The following CDYL2 variants were observed in gnomAD, a reference collection of about 807,000 sequenced individuals.
The protein encoded by CDYL2 is chromodomain Y like 2, also known as chromodomain Y-like protein 2.
In CDYL2, 23 loss-of-function variants were observed where a neutral mutation model predicts 49.4. The ratio of observed to expected loss-of-function variants is 0.47; its 90% CI spans 0.34 to 0.66. The LOEUF (loss-of-function observed/expected upper bound fraction) is 0.66, where lower values mean the gene tolerates loss of function less well. Ranked by LOEUF, CDYL2 falls within the 30% of genes least tolerant of loss-of-function variation. The pLI is 0.01. For missense variants in CDYL2, 678 were observed against 656.4 expected (o/e 1.03, Z -0.36); for synonymous variants, 360 against 268.8 (o/e 1.34, Z -3.32).
In CDYL2 at chr16:80,684,937, T is replaced by A. The variant is rs761986882; in HGVS notation, c.217A>T (p.Ser73Cys). The change falls in exon 2 of 7, where the codon AGT (serine) becomes TGT (cysteine). Residue 73 changes from serine to cysteine, a missense_variant. Ser to Cys is a moderately radical substitution (Grantham distance 112). Coordinates refer to ENST00000570137, the MANE Select transcript of CDYL2 (RefSeq NM_152342.4). ...CTGTCACGCAGCAGCTTGGAGGTAC[T>A]GGACTGCTTCCCTGACTTGATCCTC... is the stretch of plus-strand genomic sequence containing the variant. ...DKRIKSGKQSSTSKLLRDSRG... is the reference protein window; with the variant it reads ...DKRIKSGKQSCTSKLLRDSRG... 47 of 1,614,112 alleles carry A rather than the reference T, an allele frequency of 2.9e-5. No homozygotes were observed. Among genetic ancestry groups the A allele is most frequent in the Middle Eastern group, 1.6e-4 (1 of 6,084 alleles).
rs139185556 is a variant in CDYL2 at position 80,771,863 on chromosome 16, G to C, written c.24+32287C>G. Among the ~76,000 whole-genome samples, 66 of 152,244 alleles carry C rather than the reference G, an allele frequency of 4.3e-4. No homozygotes were observed. The Middle Eastern group carries it at 0.01, about 24-fold the overall frequency. On this transcript the variant is annotated intron_variant, in intron 1 of 6. Transcript: ENST00000570137. ...TAGAAACCAGATTTAAAAATTAGTG[G>C]ATTATGTAAACTGAAATAAGAAGGA...
chr16:80,613,837 GAATAA>G (rs1471967022), intron 4 of CDYL2, among the ~76,000 whole-genome samples: 1 of 152,182 alleles, frequency 6.6e-6, no homozygotes, highest in Non-Finnish European at 1.5e-5. Context: ...GAACTCACAA[GAATAA>G]AATCCAAATG....
chr16:80,739,930 G>T (rs552240220), intron 1 of CDYL2, among the ~76,000 whole-genome samples: 9 of 152,332 alleles, frequency 5.9e-5, no homozygotes, highest in Admixed American at 2.0e-4. Flanking sequence ...GCACAAAGCT[G>T]AGTCACGTAC....
At chr16:80,689,632 G>C (rs1037048154) in intron 1 of CDYL2, among the ~76,000 whole-genome samples, 1 of 152,190 alleles carries the variant, frequency 6.6e-6, no homozygotes, top group African/African-American at 2.4e-5. Context: ...CATTGGAACA[G>C]CAACAAGAGG....
chr16:80,723,032 G>T (rs1391883166), intron 1 of CDYL2, among the ~76,000 whole-genome samples: 1 of 152,182 alleles, frequency 6.6e-6, no homozygotes, highest in Non-Finnish European at 1.5e-5. Context: ...TCTGCTGCAG[G>T]GTGAAGCCTC....
At chr16:80,711,282 T>C (rs892213833) in intron 1 of CDYL2, among the ~76,000 whole-genome samples, 2 of 152,132 alleles carry the variant, frequency 1.3e-5, no homozygotes, top group Non-Finnish European at 1.5e-5. Context: ...AACCGCCCAA[T>C]AGATTCTGTG....
intron 2 of CDYL2, among the ~76,000 whole-genome samples, chr16:80,656,763 C>T (rs1908831868): frequency 6.6e-6 from 1 of 152,110 alleles, no homozygotes; most frequent in African/African-American, 2.4e-5. Flanking sequence ...AGATAATCAT[C>T]TCTGCGTATG....
At chr16:80,643,463 G>A (rs780836022) in intron 2 of CDYL2, among the ~76,000 whole-genome samples, 11 of 152,330 alleles carry the variant, frequency 7.2e-5, no homozygotes, top group Middle Eastern at 3.4e-3. Context: ...TCCACTAGGC[G>A]GTGCCTCCAC....
intron 1 of CDYL2, among the ~76,000 whole-genome samples, chr16:80,693,216 G>A (rs914596633): frequency 7.2e-5 from 11 of 152,142 alleles, no homozygotes; most frequent in South Asian, 4.1e-4. Flanking sequence ...TTGGATTTGC[G>A]TGGTGAGGTA....
At chr16:80,697,415 C>T (rs568508347) in intron 1 of CDYL2, among the ~76,000 whole-genome samples, 4 of 152,240 alleles carry the variant, frequency 2.6e-5, no homozygotes, top group South Asian at 2.1e-4. Flanking sequence ...AGACAAGGAA[C>T]GTTCCTCAAC....
At chr16:80,748,705 A>C (rs969227498) in intron 1 of CDYL2, among the ~76,000 whole-genome samples, 5 of 151,952 alleles carry the variant, frequency 3.3e-5, no homozygotes, top group African/African-American at 1.2e-4. Flanking sequence ...CCCCTCACCC[A>C]CCATCTGGCC....
intron 1 of CDYL2, among the ~76,000 whole-genome samples, chr16:80,758,687 C>G (rs547795292): frequency 2.6e-5 from 4 of 151,878 alleles, no homozygotes; most frequent in Admixed American, 2.6e-4. Flanking sequence ...GGACTACAGG[C>G]ACCCGCCACC....
At chr16:80,796,173 G>C (rs1207697445) in intron 1 of CDYL2, among the ~76,000 whole-genome samples, 2 of 152,228 alleles carry the variant, frequency 1.3e-5, no homozygotes, top group African/African-American at 4.8e-5. Context: ...CTTGGGCCCA[G>C]GCTAAAGCTG....
At chr16:80,770,282 T>A (rs1369865243) in intron 1 of CDYL2, among the ~76,000 whole-genome samples, 3 of 152,186 alleles carry the variant, frequency 2.0e-5, no homozygotes, top group African/African-American at 7.2e-5. Flanking sequence ...ATGAAAACTC[T>A]ATACCTGGAT....
At chr16:80,672,354 G>C (rs372859345) in intron 2 of CDYL2, among the ~76,000 whole-genome samples, 62 of 104,994 alleles carry the variant, frequency 5.9e-4, no homozygotes, top group East Asian at 1.9e-3. Flanking sequence ...CACACACACA[G>C]AGAGAGAGAG....
Position 80,673,005 on chromosome 16 carries a change from G to T in CDYL2, c.616+11533C>A, listed in dbSNP as rs367894374. 2.6e-5 allele frequency among the ~76,000 whole-genome samples: 4 copies of T among 152,300 alleles called. No individual in the cohort carries two copies. The South Asian group carries it at 8.3e-4, about 32-fold the overall frequency. On this transcript the variant is annotated intron_variant, in intron 2 of 6. Transcript: ENST00000570137. ...TGTTTTGTGTCTTGTAGGAGGAGCT[G>T]CTTGCTCCCATCTCTAAAATCAACA...
At chr16:80,729,821 G>A (rs1449261947) in intron 1 of CDYL2, among the ~76,000 whole-genome samples, 1 of 152,066 alleles carries the variant, frequency 6.6e-6, no homozygotes, top group Non-Finnish European at 1.5e-5. Flanking sequence ...TCAACTACAT[G>A]GAAACTGAAC....
At chr16:80,781,516 A>G (rs1295077381) in intron 1 of CDYL2, among the ~76,000 whole-genome samples, 1 of 152,178 alleles carries the variant, frequency 6.6e-6, no homozygotes, top group African/African-American at 2.4e-5. Context: ...GACTTGAAGA[A>G]CACTGTAAAC....
At chr16:80,624,343 G>A (rs1406194851) in intron 3 of CDYL2, among the ~76,000 whole-genome samples, 1 of 152,182 alleles carries the variant, frequency 6.6e-6, no homozygotes, top group Non-Finnish European at 1.5e-5. Context: ...TCTCCCATGA[G>A]AAGCTAAAAC....
Sources: allele counts gnomAD v4.1 joint callset (sites outside exome capture counted in the v4.1 genomes callset), GRCh38; gene constraint gnomAD v4.1.1; transcripts MANE v1.5; gene names NCBI Gene and HGNC (gene_info 2026-07-23, HGNC 2026-07-21).